FBN1: variants seen among roughly 807,000 people sequenced by gnomAD.
FBN1 encodes fibrillin 1, also known as fibrillin-1.
A neutral mutation model predicts 365.1 loss-of-function variants in FBN1; 29 were observed. That is an observed-to-expected ratio of 0.08 (90% CI 0.06 to 0.11). The LOEUF is 0.11. Ranked by LOEUF, FBN1 falls within the 10% of genes least tolerant of loss-of-function variation. The pLI is 1.00. For synonymous variants in FBN1, 1,210 were observed against 1,270.5 expected, an observed-to-expected ratio of 0.95 and a Z score of 1.01; for missense variants, 2,476 against 3,703.2, an observed-to-expected ratio of 0.67 and a Z score of 8.60.
At position 48,495,269 on chromosome 15, in the gene FBN1, G is replaced by A; in HGVS notation, c.2540-9C>T. The A allele has an allele frequency of 6.2e-7, 1 of 1,613,784 alleles. No individual in the cohort carries two copies. The highest frequency in any genetic ancestry group is 8.5e-7 in the Non-Finnish European group (1 of 1,179,908). ...AGTGCCCTTGATGGTTTCTGCAGAG[G>A]AGGGAATAATATTTAATAGAATCTA... On this transcript the variant is annotated splice_polypyrimidine_tract_variant and intron_variant, in intron 21 of 65. Transcript: ENST00000316623.
chr15:48,472,761 A>T (rs1488232733), intron 34 of FBN1, 85 bp from the exon 35 acceptor site: 1 of 1,584,992 alleles, frequency 6.3e-7, no homozygotes, highest in East Asian at 2.2e-5. Context: ...CAGTGCAGCA[A>T]TGTTTTGGCA....
In FBN1 at chr15:48,430,694, C is replaced by A; in HGVS notation, c.6848G>T (p.Arg2283Ile). 6.2e-7 allele frequency: 1 copy of A among 1,613,958 alleles called. No individual in the cohort carries two copies. The change falls in exon 56 of 66, where the codon AGA (arginine) becomes ATA (isoleucine). Residue 2283 changes from arginine (R) to isoleucine (I), a missense_variant. Transcript: ENST00000316623. Reference protein sequence around the residue: ...MCICGPGYQRRPDGEGCVDEN... With the variant: ...MCICGPGYQRIPDGEGCVDEN... Reference sequence around the variant, plus strand: ...ACCTACACAGCCTTCTCCATCAGGTCTCCGCTGATACCCGGGTCCACAGAT... The same window carrying A: ...ACCTACACAGCCTTCTCCATCAGGTATCCGCTGATACCCGGGTCCACAGAT...
intron 32 of FBN1, among the ~76,000 whole-genome samples, chr15:48,480,789 C>T (rs1223459114): frequency 6.6e-6 from 1 of 152,122 alleles, no homozygotes; most frequent in East Asian, 1.9e-4. Flanking sequence ...GAATTAAAGA[C>T]TGTTATTTAT....
At chr15:48,565,986 C>G (rs747451682) in intron 6 of FBN1, among the ~76,000 whole-genome samples, 1 of 152,192 alleles carries the variant, frequency 6.6e-6, no homozygotes, top group South Asian at 2.1e-4. Context: ...TGAACTCTTA[C>G]ACACCCTGTA....
chr15:48,570,146 C>T (rs1314516555), intron 6 of FBN1, among the ~76,000 whole-genome samples: 1 of 152,170 alleles, frequency 6.6e-6, no homozygotes, highest in Admixed American at 6.5e-5. Context: ...GTTTCTTACA[C>T]TCACTGGATA....
At chr15:48,558,823 G>A (rs1407989221) in intron 6 of FBN1, among the ~76,000 whole-genome samples, 2 of 152,142 alleles carry the variant, frequency 1.3e-5, no homozygotes, top group Non-Finnish European at 2.9e-5. Flanking sequence ...AGTACCTATA[G>A]GTGCTGTATA....
At chr15:48,457,506 T>C (rs2017765) in intron 43 of FBN1, among the ~76,000 whole-genome samples, 137,453 of 152,148 alleles carry the variant, frequency 0.9, 62,241 homozygotes, top group East Asian at 0.97. Context: ...ACAGCCAGGA[T>C]CCAGGCTGCT....
intron 6 of FBN1, among the ~76,000 whole-genome samples, chr15:48,538,417 T>C (rs1483172216): frequency 6.6e-6 from 1 of 152,172 alleles, no homozygotes; most frequent in Non-Finnish European, 1.5e-5. Flanking sequence ...ATTTAAAATT[T>C]TGTCCATGCA....
intron 35 of FBN1, 62 bp downstream of exon 35, chr15:48,472,489 T>G: frequency 6.6e-7 from 1 of 1,519,282 alleles, no homozygotes; most frequent in Non-Finnish European, 9.0e-7. Context: ...GCATCAGGAA[T>G]GTTTAAATAA....
chr15:48,480,031 T>A (rs771414507), intron 32 of FBN1, among the ~76,000 whole-genome samples: 1 of 152,182 alleles, frequency 6.6e-6, no homozygotes, highest in African/African-American at 2.4e-5. Context: ...ACATTATATG[T>A]CATTTACCTA....
At chr15:48,569,731 G>A (rs1326976743) in intron 6 of FBN1, among the ~76,000 whole-genome samples, 2 of 152,086 alleles carry the variant, frequency 1.3e-5, no homozygotes, top group Admixed American at 1.3e-4. Context: ...TTATTTGAAA[G>A]GTCCAGAAAA....
intron 6 of FBN1, among the ~76,000 whole-genome samples, chr15:48,549,162 T>C (rs2044121840): frequency 1.3e-5 from 2 of 152,238 alleles, no homozygotes; most frequent in South Asian, 2.1e-4. Context: ...TCTCTAGTTA[T>C]GGGTTCTTAA....
chr15:48,465,523 T>G (rs1218512795), intron 40 of FBN1, 45 bp downstream of exon 40: 1 of 1,611,200 alleles, frequency 6.2e-7, no homozygotes, highest in Admixed American at 1.7e-5. Context: ...TGCAGGTCAG[T>G]TCTTGATATC....
intron 8 of FBN1, among the ~76,000 whole-genome samples, chr15:48,527,198 T>C (rs2043922295): frequency 2.0e-5 from 3 of 152,246 alleles, no homozygotes; most frequent in Admixed American, 2.0e-4. Context: ...CTGAATGCTA[T>C]GGAGGCCAAA....
intron 27 of FBN1, among the ~76,000 whole-genome samples, 165 bp from the exon 28 acceptor site, chr15:48,487,602 C>A (rs769927918): frequency 6.6e-6 from 1 of 152,190 alleles, no homozygotes; most frequent in Non-Finnish European, 1.5e-5. Flanking sequence ...CAGGATCAGA[C>A]TAAAACCAAA....
intron 4 of FBN1, among the ~76,000 whole-genome samples, chr15:48,603,685 C>T (rs1383429694): frequency 6.6e-6 from 1 of 152,148 alleles, no homozygotes. Context: ...CATAATGATG[C>T]TGTATTCTTT....
intron 4 of FBN1, among the ~76,000 whole-genome samples, chr15:48,608,139 A>G (rs374848107): frequency 5.0e-4 from 76 of 152,304 alleles, no homozygotes; most frequent in African/African-American, 1.7e-3. Context: ...CTAAGAGATC[A>G]TTTTCTATTC....
At chr15:48,551,222 C>T (rs2044138959) in intron 6 of FBN1, among the ~76,000 whole-genome samples, 1 of 152,180 alleles carries the variant, frequency 6.6e-6, no homozygotes, top group Non-Finnish European at 1.5e-5. Context: ...ATACAAAATA[C>T]CTACCATAGT....
Position 48,463,082 on chromosome 15 carries a change from C to T in FBN1, c.5224G>A (p.Asp1742Asn). 6.2e-7 allele frequency: 1 copy of T among 1,613,782 alleles called. No homozygotes were observed. Among genetic ancestry groups the T allele is most frequent in the Non-Finnish European group, 8.5e-7 (1 of 1,179,708 alleles). The stretch of plus-strand genomic sequence containing the variant: ...TGATAATGGAGAAACTAAAACTCAC[C>T]TGTACTTGGGATGGGACACTGTTCA... ...PCEQCPIPST[D>N]EFATLCGSQR... Residue 1742 changes from aspartate (D) to asparagine (N), a missense_variant and splice_region_variant, in exon 42 of 66, where the codon GAT (aspartate) becomes AAT (asparagine). By Grantham distance (23) the Asp-to-Asn change is conservative (BLOSUM62 1). Around this residue, in one of 5 missense-constraint regions of FBN1, gnomAD observed 1,780 missense variants for 2,840.8 expected, o/e 0.63. Transcript: ENST00000316623.
Sources: gnomAD v4.1 joint callset for allele counts (sites outside exome capture counted in the v4.1 genomes callset) on GRCh38, gnomAD v4.1.1 for gene constraint, gnomAD v4.1.1 regional missense constraint, MANE v1.5 for transcripts, NCBI Gene and HGNC (gene_info 2026-07-23, HGNC 2026-07-21) for gene names.